Variants in NUP37 observed in about 807,000 individuals in gnomAD.
NUP37 encodes the protein nucleoporin Nup37.
Under a neutral mutation model 45.4 loss-of-function variants are expected in NUP37, and 33 were observed. That is an observed-to-expected ratio of 0.73 (90% CI 0.55 to 0.97). The LOEUF (loss-of-function observed/expected upper bound fraction) is 0.97. Ranked by LOEUF, NUP37 falls within the 50% of genes least tolerant of loss-of-function variation. NUP37 has a pLI of 0.00. For synonymous variants in NUP37, 127 were observed against 130.7 expected (o/e 0.97, Z 0.19); for missense variants, 365 against 389.7 (o/e 0.94, Z 0.53).
chr12:102,074,418 C>G lies in NUP37; in HGVS notation c.917G>C (p.Arg306Pro), dbSNP rs368671382. The G allele has an allele frequency of 1.9e-6, 3 of 1,613,022 alleles. No homozygotes were observed. Among genetic ancestry groups the G allele is most frequent in the Non-Finnish European group, 2.5e-6 (3 of 1,179,420 alleles). Reference sequence around the variant, plus strand: ...TCCAATTACACACAGAGGGAGAGTTCGATGCCAGGACAGTCCAGATCCAAC... The same window carrying G: ...TCCAATTACACACAGAGGGAGAGTTGGATGCCAGGACAGTCCAGATCCAAC... ...VAVGSGLSWH[R>P]TLPLCVIGGD... The change falls in exon 10 of 10, where the codon CGA (arginine) becomes CCA (proline). Residue 306 changes from arginine to proline, a missense_variant. Coordinates refer to ENST00000552283, the MANE Select transcript of NUP37 (RefSeq NM_024057.4).
At chr12:102,099,718 C>T (rs1037706785) in intron 4 of NUP37, among the ~76,000 whole-genome samples, 2 of 152,088 alleles carry the variant, frequency 1.3e-5, no homozygotes, top group Non-Finnish European at 1.5e-5. Context: ...TTGTTATAAG[C>T]CCATAGTTAT....
At chr12:102,104,751 G>T (rs1320322232) in intron 3 of NUP37, among the ~76,000 whole-genome samples, 2 of 152,142 alleles carry the variant, frequency 1.3e-5, no homozygotes, top group Non-Finnish European at 2.9e-5. Context: ...AAGATCATTT[G>T]ATGGCTATGT....
chr12:102,082,332 T>C (rs530175376), intron 6 of NUP37, among the ~76,000 whole-genome samples: 113 of 152,272 alleles, frequency 7.4e-4, no homozygotes, highest in Non-Finnish European at 2.9e-5. Context: ...AGCTGCCTTA[T>C]TTTCATCAAG....
At chr12:102,103,087 A>G (rs996909962) in intron 3 of NUP37, among the ~76,000 whole-genome samples, 1 of 152,088 alleles carries the variant, frequency 6.6e-6, no homozygotes, top group Non-Finnish European at 1.5e-5. Flanking sequence ...GGTGTTTTAT[A>G]ATTTCATATA....
chr12:102,116,779 C>T (rs1030150157), intron 2 of NUP37, among the ~76,000 whole-genome samples: 6 of 150,892 alleles, frequency 4.0e-5, no homozygotes, highest in East Asian at 2.0e-4. Context: ...CTGAGGCGGG[C>T]GGATCACGAG....
intron 3 of NUP37, among the ~76,000 whole-genome samples, chr12:102,111,616 G>A (rs1300629492): frequency 6.6e-6 from 1 of 152,162 alleles, no homozygotes; most frequent in Non-Finnish European, 1.5e-5. Flanking sequence ...GAGGGCTTCA[G>A]CAGGCATTGC....
At position 102,085,814 on chromosome 12, in the gene NUP37, A is replaced by G. The variant is rs1222085919; in HGVS notation, c.492T>C (p.Leu164=). 1 of 1,603,186 alleles carries G rather than the reference A, an allele frequency of 6.2e-7. No individual in the cohort carries two copies. The highest frequency in any genetic ancestry group is 8.5e-7 in the Non-Finnish European group (1 of 1,171,210). ...AGCACACACTCATGCCAGGAGAATG[A>G]AGAACAAAATGAGCTGTTTGCACTC... The part of the protein sequence containing the change: ...LEGVQTAHFV[L]HSPGMSVCWH... Residue 164 remains leucine (L), a synonymous_variant, in exon 6 of 10, where the codon CTT becomes CTC. Transcript: ENST00000552283.
At chr12:102,081,154 G>A (rs1162094988) in intron 6 of NUP37, among the ~76,000 whole-genome samples, 2 of 152,134 alleles carry the variant, frequency 1.3e-5, no homozygotes, top group Non-Finnish European at 2.9e-5. Flanking sequence ...TTGGGAGAAT[G>A]GTATGAGTTA....
At chr12:102,074,767 C>A in intron 9 of NUP37, 1 of 437,994 alleles carries the variant, frequency 2.3e-6, no homozygotes, top group Non-Finnish European at 4.0e-6. Context: ...GAATAAAAAG[C>A]TTCTTATATG....
Position 102,074,462 on chromosome 12 carries a change from G to A in NUP37, c.873C>T (p.Ile291=). 1 of 1,590,596 alleles carries A rather than the reference G, an allele frequency of 6.3e-7. No individual in the cohort carries two copies. The change falls in exon 10 of 10, where the codon ATC becomes ATT. Residue 291 remains isoleucine (I), a synonymous_variant. Coordinates refer to ENST00000552283, the MANE Select transcript of NUP37 (RefSeq NM_024057.4). The part of the protein sequence containing the change: ...QIHHLGHPQP[I]LMGSVAVGSG... ...ATCCAACGGCTACAGAACCCATGAG[G>A]ATGGGCTATAAAATATGTGAAGAAT...
At chr12:102,081,707 A>G (rs1430531914) in intron 6 of NUP37, among the ~76,000 whole-genome samples, 2 of 151,816 alleles carry the variant, frequency 1.3e-5, no homozygotes, top group African/African-American at 4.8e-5. Flanking sequence ...AACCTATTTC[A>G]TTTAGCTATT....
chr12:102,106,787 A>G (rs145914673), intron 3 of NUP37, among the ~76,000 whole-genome samples: 1 of 152,308 alleles, frequency 6.6e-6, no homozygotes, highest in African/African-American at 2.4e-5. Context: ...CAACTTCCCC[A>G]CAGAACTAAT....
At chr12:102,118,160 C>G (rs535533972) in intron 2 of NUP37, among the ~76,000 whole-genome samples, 1 of 152,234 alleles carries the variant, frequency 6.6e-6, no homozygotes, top group South Asian at 2.1e-4. Context: ...AGTGAAGCCT[C>G]ATACCATTCT....
intron 6 of NUP37, among the ~76,000 whole-genome samples, chr12:102,079,703 T>A (rs1879278414): frequency 6.6e-6 from 1 of 152,168 alleles, no homozygotes; most frequent in African/African-American, 2.4e-5. Context: ...CAGCACTACA[T>A]TACTGTGCTT....
intron 5 of NUP37, among the ~76,000 whole-genome samples, chr12:102,086,642 T>C (rs1210007978): frequency 2.0e-5 from 3 of 152,174 alleles, no homozygotes; most frequent in African/African-American, 4.8e-5. Flanking sequence ...CATGGCACCA[T>C]GTCGTGAGAA....
intron 1 of NUP37, chr12:102,119,525 T>C (rs1314041416): frequency 6.6e-6 from 1 of 152,110 alleles, no homozygotes; most frequent in African/African-American, 2.4e-5. Context: ...GAGTTTTTGG[T>C]TTTTTAAAAA....
intron 6 of NUP37, among the ~76,000 whole-genome samples, chr12:102,078,821 C>T (rs949881801): frequency 6.6e-6 from 1 of 152,132 alleles, no homozygotes; most frequent in Non-Finnish European, 1.5e-5. Context: ...GTTTAATACA[C>T]TGGTAAGTTT....
At chr12:102,115,766 T>C in intron 2 of NUP37, 3 of 907,120 alleles carry the variant, frequency 3.3e-6, no homozygotes, top group Non-Finnish European at 4.0e-6. Context: ...GGATTATCTT[T>C]CTGTCAGGAA....
chr12:102,080,794 T>G (rs983762654), intron 6 of NUP37, among the ~76,000 whole-genome samples: 1 of 152,182 alleles, frequency 6.6e-6, no homozygotes, highest in Non-Finnish European at 1.5e-5. Context: ...TAGTGTGCTA[T>G]AGTATGCAGT....
Sources: allele counts gnomAD v4.1 joint callset (sites outside exome capture counted in the v4.1 genomes callset), GRCh38; gene constraint gnomAD v4.1.1; transcripts MANE v1.5; gene names NCBI Gene and HGNC (gene_info 2026-07-23, HGNC 2026-07-21).